Variants in ICA1 observed in about 807,000 individuals in gnomAD.
The protein encoded by ICA1 is 69 kDa islet cell autoantigen.
A neutral mutation model predicts 71.0 loss-of-function variants in ICA1; 40 were observed. The ratio of observed to expected loss-of-function variants is 0.56; its 90% confidence interval spans 0.44 to 0.73. The LOEUF (loss-of-function observed/expected upper bound fraction) is 0.73, where lower values mean the gene tolerates loss of function less well. Ranked by LOEUF, ICA1 falls within the 30% of genes least tolerant of loss-of-function variation. The pLI, the probability that ICA1 is intolerant of heterozygous loss-of-function variation, is 0.00. For missense variants in ICA1, 578 were observed against 576.5 expected (o/e 1.00, Z -0.03); for synonymous variants, 207 against 209.5 (o/e 0.99, Z 0.10).
chr7:8,216,510 CT>C (rs1191016557), intron 6 of ICA1, among the ~76,000 whole-genome samples: 1 of 150,798 alleles, frequency 6.6e-6, no homozygotes, highest in Admixed American at 6.7e-5. Context: ...TGTTTCAACA[CT>C]CAAACCAAAT....
intron 12 of ICA1, among the ~76,000 whole-genome samples, chr7:8,135,475 G>A (rs924343614): frequency 4.6e-5 from 7 of 152,140 alleles, no homozygotes; most frequent in Admixed American, 3.3e-4. Context: ...CAGAGAGGAG[G>A]GAAAGTTCAT....
chr7:8,231,624 G>T (rs1447099811), intron 3 of ICA1, among the ~76,000 whole-genome samples: 3 of 152,106 alleles, frequency 2.0e-5, no homozygotes, highest in African/African-American at 7.2e-5. Flanking sequence ...CAGATAGTAG[G>T]TACAATAGTA....
At chr7:8,178,135 T>C (rs1781148372) in intron 6 of ICA1, among the ~76,000 whole-genome samples, 1 of 152,208 alleles carries the variant, frequency 6.6e-6, no homozygotes, top group Non-Finnish European at 1.5e-5. Flanking sequence ...TGTAAGTTCC[T>C]TCCTTTTGTA....
chr7:8,185,841 T>C (rs1783725012), intron 6 of ICA1, among the ~76,000 whole-genome samples: 1 of 152,242 alleles, frequency 6.6e-6, no homozygotes, highest in South Asian at 2.1e-4. Context: ...TGATTATACA[T>C]ACAGTGCTTG....
intron 6 of ICA1, among the ~76,000 whole-genome samples, chr7:8,190,808 G>A (rs1260445478): frequency 6.6e-6 from 1 of 152,194 alleles, no homozygotes; most frequent in Non-Finnish European, 1.5e-5. Flanking sequence ...ACAGTGCAAA[G>A]TTCACGGTTA....
chr7:8,118,909 G>T (rs370902754), intron 13 of ICA1, among the ~76,000 whole-genome samples: 179 of 152,304 alleles, frequency 1.2e-3, no homozygotes, highest in African/African-American at 4.1e-3. Context: ...AAGCTCACGA[G>T]CCAATGCTGA....
At chr7:8,114,188 G>A (rs756154863) in intron 13 of ICA1, 144 bp from the exon 14 acceptor site, 4 of 888,190 alleles carry the variant, frequency 4.5e-6, no homozygotes, top group Non-Finnish European at 5.2e-6. Flanking sequence ...ACAATAGTTA[G>A]GGAATTCCAA....
At position 8,113,983 on chromosome 7, in the gene ICA1, T is replaced by G; in HGVS notation, c.1392A>C (p.Pro464=). The change falls in exon 14 of 14, where the codon CCA becomes CCC. Residue 464 remains proline, a synonymous_variant. Coordinates refer to ENST00000402384, the MANE Select transcript of ICA1 (RefSeq NM_001136020.3). The surrounding 1 kb of genome is among the most constrained non-coding windows in gnomAD (Gnocchi z 4.2). The part of the protein sequence containing the change: ...AWFSLFADLD[P]LSNPDAVGKT... ...TCCCAACAGCATCAGGATTTGAGAG[T>G]GGGTCGAGGTCAGCGAAGAGGCTGA... 1 of 1,613,784 alleles carries G rather than the reference T, an allele frequency of 6.2e-7. No individual in the cohort carries two copies. Among genetic ancestry groups the G allele is most frequent in the African/African-American group, 1.3e-5 (1 of 74,890 alleles).
At chr7:8,229,226 C>T (rs530166739) in intron 3 of ICA1, among the ~76,000 whole-genome samples, 1 of 152,268 alleles carries the variant, frequency 6.6e-6, no homozygotes, top group South Asian at 2.1e-4. Context: ...TGATGTTGGG[C>T]AAGCAGTCCC....
At position 8,126,550 on chromosome 7, in the gene ICA1, CT is replaced by C. The variant is rs541088534; in HGVS notation, c.1330+1322del. On this transcript the variant is annotated intron_variant, in intron 13 of 13. Coordinates refer to ENST00000402384, the MANE Select transcript of ICA1 (RefSeq NM_001136020.3). ...CATGTATTTCATTTAAAAAAAAAGACTTTTTTTTTTGTCTTGCCCACCAACT... is the reference window on the plus strand; with the variant it reads ...CATGTATTTCATTTAAAAAAAAAGACTTTTTTTTTGTCTTGCCCACCAACT... Among the ~76,000 whole-genome samples, 163 of 148,426 alleles carry C rather than the reference CT, an allele frequency of 1.1e-3. 1 individual carries two copies. Among genetic ancestry groups the C allele is most frequent in the African/African-American group, 3.4e-3 (139 of 40,492 alleles).
At chr7:8,235,585 T>A (rs1162339496) in intron 2 of ICA1, among the ~76,000 whole-genome samples, 1 of 152,200 alleles carries the variant, frequency 6.6e-6, no homozygotes, top group Non-Finnish European at 1.5e-5. Context: ...TTAGAAGTTA[T>A]AAATAAGATA....
rs779984844 is a variant in ICA1, at chr7:8,232,775, T to A, written c.18-20A>T. On this transcript the variant is annotated intron_variant, in intron 2 of 13. Transcript: ENST00000402384. Reference sequence around the variant, plus strand: ...TAACTGCTAAAAACATTTAAAGAACTATTTTATTCACACCTTTCATAAAGA... The same window carrying A: ...TAACTGCTAAAAACATTTAAAGAACAATTTTATTCACACCTTTCATAAAGA... The A allele has an allele frequency of 6.3e-5, 97 of 1,548,192 alleles. No homozygotes were observed. Among genetic ancestry groups the A allele is most frequent in the Non-Finnish European group, 8.2e-5 (94 of 1,147,394 alleles).
intron 10 of ICA1, among the ~76,000 whole-genome samples, chr7:8,140,048 C>T (rs555683461): frequency 8.3e-4 from 127 of 152,174 alleles, no homozygotes; most frequent in Middle Eastern, 3.4e-3. Context: ...GCACAAGGAA[C>T]GAGAGAAAAT....
chr7:8,147,342 C>G (rs995485764), intron 8 of ICA1, among the ~76,000 whole-genome samples: 7 of 152,132 alleles, frequency 4.6e-5, no homozygotes, highest in Non-Finnish European at 1.5e-5. Context: ...TCCCTGTCAC[C>G]ACAATCACAG....
At position 8,210,476 on chromosome 7, in the gene ICA1, G is replaced by A. The variant is rs117267894; in HGVS notation, c.579+7829C>T. 9.9e-4 allele frequency among the ~76,000 whole-genome samples: 151 copies of A among 152,160 alleles called. 1 individual carries two copies. Among genetic ancestry groups the A allele is most frequent in the East Asian group, 7.0e-3 (36 of 5,176 alleles). ...CTTAAATATTTCTCACCACGAAGTC[G>A]AACTAAAAGCAGAAATAATATAAAA... On this transcript the variant is annotated intron_variant, in intron 6 of 13. Coordinates refer to ENST00000402384, the MANE Select transcript of ICA1 (RefSeq NM_001136020.3).
chr7:8,261,497 G>C (rs1584027586), intron 1 of ICA1, among the ~76,000 whole-genome samples: 1 of 152,292 alleles, frequency 6.6e-6, no homozygotes, highest in East Asian at 1.9e-4. Flanking sequence ...GCCCCGTCTA[G>C]TCCGAGACTG....
chr7:8,187,007 T>A (rs1784122005), intron 6 of ICA1, among the ~76,000 whole-genome samples: 1 of 152,248 alleles, frequency 6.6e-6, no homozygotes, highest in South Asian at 2.1e-4. Context: ...CACACTCAGT[T>A]CTAAGAACTT....
At chr7:8,249,989 T>A (rs1384564697) in intron 1 of ICA1, among the ~76,000 whole-genome samples, 2 of 152,202 alleles carry the variant, frequency 1.3e-5, no homozygotes, top group Non-Finnish European at 2.9e-5. Context: ...ATGGGACTTG[T>A]GATCCAGGGA....
intron 6 of ICA1, among the ~76,000 whole-genome samples, chr7:8,177,653 T>C (rs1303424209): frequency 6.6e-6 from 1 of 152,246 alleles, no homozygotes; most frequent in Non-Finnish European, 1.5e-5. Context: ...AAGCTAAACC[T>C]ACTTGTATTT....
Sources: gnomAD v4.1 joint callset for allele counts (sites outside exome capture counted in the v4.1 genomes callset) on GRCh38, gnomAD v4.1.1 for gene constraint, Gnocchi (gnomAD v3.1) non-coding constraint, MANE v1.5 for transcripts, NCBI Gene and HGNC (gene_info 2026-07-23, HGNC 2026-07-21) for gene names.